USP34: variants seen among roughly 807,000 people sequenced by gnomAD.
USP34 encodes the protein ubiquitin carboxyl-terminal hydrolase 34.
USP34 carries 70 observed loss-of-function variants against 460.3 expected under a neutral mutation model. The observed-to-expected ratio is 0.15, with a 90% CI of 0.13 to 0.19. The LOEUF is 0.19. Among genes scored for constraint, USP34 ranks in the 10% least tolerant of loss-of-function variants. The pLI is 1.00. For missense variants in USP34, 3,985 were observed against 4,236.2 expected (o/e 0.94, Z 1.65); for synonymous variants, 1,647 against 1,405.3 (o/e 1.17, Z -3.85).
intron 25 of USP34, 101 bp from the exon 26 acceptor site, chr2:61,312,011 A>T (rs563862357): frequency 2.1e-6 from 3 of 1,397,744 alleles, no homozygotes; most frequent in Admixed American, 4.9e-5. Flanking sequence ...AGTCCAAAAG[A>T]AGTTCTAAGT....
At chr2:61,409,445 G>A (rs568388671) in intron 2 of USP34, among the ~76,000 whole-genome samples, 10 of 152,106 alleles carry the variant, frequency 6.6e-5, no homozygotes, top group Non-Finnish European at 5.9e-5. Context: ...CGGACACGGT[G>A]GCTCATGTCT....
In USP34 at chr2:61,387,951, A is replaced by ACACACACACG. The variant is rs1693216633; in HGVS notation, c.754-4616_754-4615insCGTGTGTGTG. Among the ~76,000 whole-genome samples, 3 of 148,558 alleles carry ACACACACACG rather than the reference A, an allele frequency of 2.0e-5. No homozygotes were observed. The South Asian group carries it at 6.3e-4, about 31-fold the overall frequency. On this transcript the variant is annotated intron_variant, in intron 5 of 79. Transcript: ENST00000398571. The stretch of plus-strand genomic sequence containing the variant: ...TATACACACACACACACACACACAC[A>ACACACACACG]CACACACATATATATATATAAATAT...
intron 21 of USP34, among the ~76,000 whole-genome samples, chr2:61,323,279 A>G (rs1690982722): frequency 6.6e-6 from 1 of 152,188 alleles, no homozygotes; most frequent in Non-Finnish European, 1.5e-5. Flanking sequence ...TGGGAGGCCG[A>G]GGCGGGCGGA....
At chr2:61,434,011 A>G (rs557157578) in intron 1 of USP34, among the ~76,000 whole-genome samples, 42 of 152,304 alleles carry the variant, frequency 2.8e-4, no homozygotes, top group Admixed American at 9.1e-4. Flanking sequence ...GAACAGTCTG[A>G]CAGTCCCATC....
intron 5 of USP34, among the ~76,000 whole-genome samples, chr2:61,386,387 C>T (rs1343575224): frequency 6.6e-6 from 1 of 152,130 alleles, no homozygotes; most frequent in East Asian, 1.9e-4. Context: ...TTAATCCCTC[C>T]TGAAACTATA....
In USP34 at chr2:61,344,049, A is replaced by C; in HGVS notation, c.2286-20T>G. 2 of 1,606,350 alleles carry C rather than the reference A, an allele frequency of 1.2e-6. No homozygotes were observed. Among genetic ancestry groups the C allele is most frequent in the Non-Finnish European group, 1.7e-6 (2 of 1,174,072 alleles). On this transcript the variant is annotated intron_variant, in intron 15 of 79. Transcript: ENST00000398571. ...ATATGCCTACAAAACAGAGAAAAGCACAAAGTTAGTAATTACGAATGTGAA... is the reference window on the plus strand; with the variant it reads ...ATATGCCTACAAAACAGAGAAAAGCCCAAAGTTAGTAATTACGAATGTGAA...
intron 1 of USP34, among the ~76,000 whole-genome samples, chr2:61,441,945 G>C (rs1267463473): frequency 6.6e-6 from 1 of 151,536 alleles, no homozygotes; most frequent in Non-Finnish European, 1.5e-5. Context: ...CAACGGAACA[G>C]AACAGAGTGC....
intron 78 of USP34, 62 bp downstream of exon 78, chr2:61,190,209 G>C: frequency 1.3e-6 from 2 of 1,522,486 alleles, no homozygotes; most frequent in East Asian, 4.6e-5. Context: ...TCATATGAAG[G>C]CCACACAGTT....
chr2:61,388,192 G>A (rs1467508502), intron 5 of USP34, among the ~76,000 whole-genome samples: 2 of 152,008 alleles, frequency 1.3e-5, no homozygotes, highest in East Asian at 1.9e-4. Context: ...GCAACGAATT[G>A]AGATCACCCC....
chr2:61,448,192 G>A (rs1035151401), intron 1 of USP34, among the ~76,000 whole-genome samples: 6 of 152,210 alleles, frequency 3.9e-5, no homozygotes, highest in Non-Finnish European at 8.8e-5. Context: ...AACACAAACT[G>A]GCCAGGCATG....
intron 1 of USP34, among the ~76,000 whole-genome samples, chr2:61,453,504 G>C (rs1457361326): frequency 1.3e-5 from 2 of 151,884 alleles, no homozygotes; most frequent in African/African-American, 4.8e-5. Flanking sequence ...GAGGTCAGGA[G>C]TTCAAGACCA....
intron 34 of USP34, among the ~76,000 whole-genome samples, chr2:61,286,681 G>T (rs753590228): frequency 1.3e-5 from 2 of 152,004 alleles, no homozygotes; most frequent in African/African-American, 4.8e-5. Context: ...CCACTGGCAT[G>T]TGCATAGAAA....
At chr2:61,255,931 T>C (rs1000903085) in intron 48 of USP34, among the ~76,000 whole-genome samples, 3 of 152,214 alleles carry the variant, frequency 2.0e-5, no homozygotes, top group Non-Finnish European at 4.4e-5. Flanking sequence ...ATTTAAACTT[T>C]ATCATAGGTA....
At position 61,470,809 on chromosome 2, in the gene USP34, C is replaced by A; in HGVS notation, c.-117G>T. On this transcript the variant is annotated 5_prime_UTR_variant, in exon 1 of 80. Coordinates refer to ENST00000398571, the MANE Select transcript of USP34 (RefSeq NM_014709.4). ...CCGGCCGGCCGGCGGGGCGGGGAGGCGACTAGGGCGGGCGGCGGCGGGGAC... is the reference window on the plus strand; with the variant it reads ...CCGGCCGGCCGGCGGGGCGGGGAGGAGACTAGGGCGGGCGGCGGCGGGGAC... 1 of 513,884 alleles carries A rather than the reference C, an allele frequency of 1.9e-6. No homozygotes were observed. The highest frequency in any genetic ancestry group is 3.1e-6 in the Non-Finnish European group (1 of 320,026). The allele number at this position is 513,884 out of a possible 1,614,324, so 31.8% of individuals were successfully genotyped here. A position where few individuals can be genotyped will look rare whatever the true frequency, so the allele number is the denominator to read the frequency against.
At chr2:61,455,190 T>C (rs930051555) in intron 1 of USP34, among the ~76,000 whole-genome samples, 3 of 151,556 alleles carry the variant, frequency 2.0e-5, no homozygotes, top group African/African-American at 7.3e-5. Context: ...GCCTTTTGTT[T>C]GTTTTTGAGA....
At chr2:61,248,065 T>C (rs1259907571) in intron 49 of USP34, among the ~76,000 whole-genome samples, 1 of 151,684 alleles carries the variant, frequency 6.6e-6, no homozygotes, top group Non-Finnish European at 1.5e-5. Flanking sequence ...TGCGTGCCTA[T>C]GGTCCCAGCT....
chr2:61,214,530 C>T lies in USP34; in HGVS notation c.8212G>A (p.Ala2738Thr), dbSNP rs546124966. The change falls in exon 68 of 80, where the codon GCC becomes ACC. Residue 2738 changes from alanine (A) to threonine (T), a missense_variant. By Grantham distance (58) the Ala-to-Thr change is moderately conservative. This residue lies in a region of USP34 where 604 missense variants were observed against 684.8 expected (regional missense o/e 0.88). Transcript: ENST00000398571. ...YNVLLGLLSRAKLYVDAAVHG... is the reference protein window; with the variant it reads ...YNVLLGLLSRTKLYVDAAVHG... ...ACAGCAGCATCAACATAAAGTTTGG[C>T]TCTTGAGAGCAAACCAAGGAGCACG... 1.2e-6 allele frequency: 2 copies of T among 1,613,444 alleles called. No individual in the cohort carries two copies. The highest frequency in any genetic ancestry group is 2.2e-5 in the East Asian group (1 of 44,886).
chr2:61,211,850 A>T lies in USP34; in HGVS notation c.8762T>A (p.Ile2921Asn). The change falls in exon 69 of 80, where the codon ATT becomes AAT. Residue 2921 changes from isoleucine (I) to asparagine (N), a missense_variant. This residue lies in a region of USP34 where 275 missense variants were observed against 292.7 expected (regional missense o/e 0.94). Coordinates refer to ENST00000398571, the MANE Select transcript of USP34 (RefSeq NM_014709.4). Reference sequence around the variant, plus strand: ...TATGGTTGTTTTCTTGAACTGTTTAATATCTTCTAATTCTTCTTCTCTCAT... The same window carrying T: ...TATGGTTGTTTTCTTGAACTGTTTATTATCTTCTAATTCTTCTTCTCTCAT... ...PDMREEELED[I>N]KQFKKTTISC... 1 of 1,610,514 alleles carries T rather than the reference A, an allele frequency of 6.2e-7. No homozygotes were observed. The highest frequency in any genetic ancestry group is 8.5e-7 in the Non-Finnish European group (1 of 1,178,946).
intron 41 of USP34, among the ~76,000 whole-genome samples, chr2:61,272,712 A>C (rs1689252945): frequency 6.6e-6 from 1 of 152,230 alleles, no homozygotes; most frequent in African/African-American, 2.4e-5. Context: ...GTTTTCCCTT[A>C]ACACTGAAAC....
Sources: gnomAD v4.1 joint callset for allele counts (sites outside exome capture counted in the v4.1 genomes callset) on GRCh38, gnomAD v4.1.1 for gene constraint, gnomAD v4.1.1 regional missense constraint, MANE v1.5 for transcripts, NCBI Gene and HGNC (gene_info 2026-07-23, HGNC 2026-07-21) for gene names.